The following PI4KA variants were observed in gnomAD, a reference collection of about 807,000 sequenced individuals.
PI4KA encodes phosphatidylinositol 4-kinase alpha, also known as PI4-kinase alpha.
In PI4KA, 122 loss-of-function variants were observed where a neutral mutation model predicts 271.4. The ratio of observed to expected loss-of-function variants is 0.45; its 90% CI spans 0.39 to 0.52. The LOEUF (loss-of-function observed/expected upper bound fraction) is 0.52. PI4KA is among the 20% of genes least tolerant of loss of function. The pLI is 0.00. For synonymous variants in PI4KA, 1,041 were observed against 1,078.8 expected, an observed-to-expected ratio of 0.96 and a Z score of 0.69; for missense variants, 1,969 against 2,769.1, an observed-to-expected ratio of 0.71 and a Z score of 6.48.
intron 48 of PI4KA, 188 bp from the exon 49 acceptor site, chr22:20,712,985 C>T: frequency 1.6e-6 from 1 of 631,818 alleles, no homozygotes; most frequent in East Asian, 2.8e-5. Context: ...CTGGGACCAC[C>T]AGGCCCTGGG....
intron 36 of PI4KA, among the ~76,000 whole-genome samples, chr22:20,732,047 G>A (rs1928132299): frequency 1.3e-5 from 2 of 151,828 alleles, no homozygotes; most frequent in South Asian, 2.1e-4. Context: ...GGTGGCAGGC[G>A]CCTGTAGTCC....
chr22:20,831,016 A>G (rs906185055), intron 3 of PI4KA, among the ~76,000 whole-genome samples: 3 of 152,060 alleles, frequency 2.0e-5, no homozygotes, highest in Non-Finnish European at 4.4e-5. Flanking sequence ...CAGGTGTTCC[A>G]TCCGCCTTAG....
chr22:20,725,652 T>C (rs987458119), intron 42 of PI4KA: 2 of 375,664 alleles, frequency 5.3e-6, no homozygotes, highest in Non-Finnish European at 1.1e-5. Context: ...CCCAGCACTT[T>C]TGGAGGCGGA....
chr22:20,737,139 T>C (rs530875919), intron 32 of PI4KA, among the ~76,000 whole-genome samples: 1 of 152,208 alleles, frequency 6.6e-6, no homozygotes, highest in South Asian at 2.1e-4. Context: ...GGGTAAGCAG[T>C]GGAGCTGGCC....
chr22:20,798,760 GA>G, intron 16 of PI4KA, 73 bp from the exon 17 acceptor site: 7 of 967,992 alleles, frequency 7.2e-6, no homozygotes, highest in Non-Finnish European at 1.2e-5. Flanking sequence ...CACCTAGAGA[GA>G]AAGCTCTGGA....
At chr22:20,777,927 T>C (rs1053080764) in intron 19 of PI4KA, among the ~76,000 whole-genome samples, 5 of 152,184 alleles carry the variant, frequency 3.3e-5, no homozygotes, top group Non-Finnish European at 5.9e-5. Flanking sequence ...AAGCTTATCT[T>C]GTTTACTTAA....
At chr22:20,777,382 A>C (rs1933388395) in intron 19 of PI4KA, among the ~76,000 whole-genome samples, 1 of 151,800 alleles carries the variant, frequency 6.6e-6, no homozygotes, top group Admixed American at 6.6e-5. Flanking sequence ...ACGCCGGCTA[A>C]TTTTTTTGTA....
chr22:20,826,563 A>G (rs530830952), intron 3 of PI4KA, among the ~76,000 whole-genome samples: 2 of 152,272 alleles, frequency 1.3e-5, no homozygotes, highest in South Asian at 4.1e-4. Context: ...TTGAGTATAT[A>G]CCCAATAATG....
intron 1 of PI4KA, among the ~76,000 whole-genome samples, chr22:20,843,097 C>CAA (rs361761): frequency 0.024 from 2,693 of 113,742 alleles, 37 homozygotes; most frequent in Non-Finnish European, 0.034. Context: ...GACTCCGTCT[C>CAA]AAAAAAAAAA....
chr22:20,815,316 G>A (rs139440366), intron 7 of PI4KA, among the ~76,000 whole-genome samples: 5 of 148,340 alleles, frequency 3.4e-5, no homozygotes, highest in African/African-American at 1.3e-4. Flanking sequence ...GGGAGGCTGA[G>A]GTTGCAGTGA....
intron 22 of PI4KA, among the ~76,000 whole-genome samples, chr22:20,762,799 T>C (rs1932107851): frequency 6.6e-6 from 1 of 152,192 alleles, no homozygotes; most frequent in Non-Finnish European, 1.5e-5. Flanking sequence ...GTGAGGTCAG[T>C]GTTTTTTCTC....
rs748264969 is a variant in PI4KA at position 20,810,998 on chromosome 22, G to A, written c.1040C>T (p.Ser347Phe). ...CACACTGGCTACAATGGCATCCAAA[G>A]ATTTGAGAACAGCCTCCTCAACGAT... The part of the protein sequence containing the change: ...KKIVEEAVLK[S>F]LDAIVASVME... The change falls in exon 9 of 55, where the codon TCT (serine) becomes TTT (phenylalanine). Residue 347 changes from serine to phenylalanine, a missense_variant. Physicochemically the swap from Ser to Phe is radical, Grantham distance 155. Coordinates refer to ENST00000255882, the MANE Select transcript of PI4KA (RefSeq NM_058004.4). 5.9e-5 allele frequency: 96 copies of A among 1,613,674 alleles called. No individual in the cohort carries two copies. Among genetic ancestry groups the A allele is most frequent in the Non-Finnish European group, 8.1e-5 (96 of 1,179,728 alleles).
intron 3 of PI4KA, among the ~76,000 whole-genome samples, chr22:20,828,414 G>A (rs532991414): frequency 1.3e-5 from 2 of 152,194 alleles, no homozygotes; most frequent in South Asian, 2.1e-4. Context: ...GGTGAGAGAG[G>A]GCATCTTTGT....
At chr22:20,738,489 C>T (rs1399274514) in intron 32 of PI4KA, among the ~76,000 whole-genome samples, 1 of 152,210 alleles carries the variant, frequency 6.6e-6, no homozygotes, top group African/African-American at 2.4e-5. Context: ...AGGTCAGGCT[C>T]CCCACTGTTC....
chr22:20,751,015 C>A (rs1930622329), intron 27 of PI4KA, among the ~76,000 whole-genome samples: 1 of 152,132 alleles, frequency 6.6e-6, no homozygotes, highest in African/African-American at 2.4e-5. Context: ...TAGCTGAAGA[C>A]CTCTTTGGCA....
chr22:20,815,704 A>C (rs950847876), intron 7 of PI4KA, among the ~76,000 whole-genome samples: 1 of 152,160 alleles, frequency 6.6e-6, no homozygotes, highest in Admixed American at 6.5e-5. Context: ...ATGGCCACTG[A>C]AAGAGGGAAC....
chr22:20,747,802 A>C (rs1054798388), intron 28 of PI4KA, 100 bp from the exon 29 acceptor site: 17 of 1,163,234 alleles, frequency 1.5e-5, no homozygotes, highest in Non-Finnish European at 2.1e-5. Context: ...TGGCACGATC[A>C]TGGCTCATTG....
intron 46 of PI4KA, 46 bp downstream of exon 46, chr22:20,714,582 C>G: frequency 6.2e-7 from 1 of 1,613,972 alleles, no homozygotes; most frequent in Non-Finnish European, 8.5e-7. Context: ...AAAAACTTCG[C>G]ACGCGGACGC....
chr22:20,715,764 G>A (rs905861479), intron 45 of PI4KA, among the ~76,000 whole-genome samples: 1 of 152,296 alleles, frequency 6.6e-6, no homozygotes, highest in African/African-American at 2.4e-5. Context: ...ATGAGCCACC[G>A]CGCCCGGCCA....
Sources: gnomAD v4.1 joint callset for allele counts (sites outside exome capture counted in the v4.1 genomes callset) on GRCh38, gnomAD v4.1.1 for gene constraint, MANE v1.5 for transcripts, NCBI Gene and HGNC (gene_info 2026-07-23, HGNC 2026-07-21) for gene names.